The following PARVB variants were observed in gnomAD, a reference collection of about 807,000 sequenced individuals.
The protein encoded by PARVB is parvin beta.
Under a neutral mutation model 47.0 loss-of-function variants are expected in PARVB, and 46 were observed. That is an observed-to-expected ratio of 0.98 (90% CI 0.77 to 1.25). The LOEUF (loss-of-function observed/expected upper bound fraction) is 1.25, where lower values mean the gene tolerates loss of function less well. Among genes scored for constraint, PARVB ranks in the 50% most tolerant of loss-of-function variants. PARVB has a pLI of 0.00. For missense variants in PARVB, 473 were observed against 471.6 expected (o/e 1.00, Z -0.03); for synonymous variants, 196 against 196.3 (o/e 1.00, Z 0.01).
chr22:44,074,704 C>A (rs1199095963), intron 1 of PARVB, among the ~76,000 whole-genome samples: 1 of 152,196 alleles, frequency 6.6e-6, no homozygotes, highest in African/African-American at 2.4e-5. Context: ...ATGTTCACTG[C>A]CCCTCCCTCA....
Position 44,130,952 on chromosome 22 carries a change from A to G in PARVB, c.377-535A>G, listed in dbSNP as rs1355251572. Among the ~76,000 whole-genome samples the G allele has an allele frequency of 2.7e-5, 4 of 148,804 alleles. No individual in the cohort carries two copies. The Admixed American group carries it at 2.7e-4, about 10-fold the overall frequency. The stretch of plus-strand genomic sequence containing the variant: ...CATCTCAAGACGCCCCCATGGCCAC[A>G]TGGTAACCTGCCCCGCTTCGGGGAC... On this transcript the variant is annotated intron_variant, in intron 4 of 12. Coordinates refer to ENST00000338758, the MANE Select transcript of PARVB (RefSeq NM_013327.5).
Position 44,068,933 on chromosome 22 carries a change from G to A in PARVB, c.113-24995G>A. 3 of 576,470 alleles carry A rather than the reference G, an allele frequency of 5.2e-6. No homozygotes were observed. The highest frequency in any genetic ancestry group is 9.3e-6 in the Non-Finnish European group (3 of 323,182). The allele number at this position is 576,470 out of a possible 1,614,324, so 35.7% of individuals were successfully genotyped here. On this transcript the variant is annotated intron_variant, in intron 1 of 12. Transcript: ENST00000338758. This position sits in a 1 kb window ranked among gnomAD's most constrained non-coding sequence, Gnocchi z 4.1. ...GCTGATGGGAGTCAAGACAGAAATA[G>A]TGGTCTGTGGTCAGCAAGGAGCTAT...
intron 1 of PARVB, among the ~76,000 whole-genome samples, chr22:44,078,798 C>T (rs1394946491): frequency 1.3e-5 from 2 of 152,208 alleles, no homozygotes; most frequent in East Asian, 3.8e-4. Context: ...GATCTCAGCT[C>T]ACTGCAGCCT....
At chr22:44,144,593 T>A (rs1271426159) in intron 8 of PARVB, 1 of 151,554 alleles carries the variant, frequency 6.6e-6, no homozygotes, top group Non-Finnish European at 1.5e-5. Context: ...AGGTCAGGAG[T>A]TCAAGACCAG....
intron 4 of PARVB, among the ~76,000 whole-genome samples, chr22:44,122,032 CTTTT>C (rs2053058714): frequency 6.6e-6 from 1 of 152,038 alleles, no homozygotes; most frequent in African/African-American, 2.4e-5. Flanking sequence ...GAATTATTTT[CTTTT>C]TGAGTGGTCA....
At position 44,024,347 on chromosome 22, in the gene PARVB, C is replaced by T. The variant is rs2146876706; in HGVS notation, c.8C>T (p.Ser3Phe). ...CGGCCCCACGCGCGGCCCATGTCCTCCGCGCCGCGCTCGCCCACCCCGCGG... is the reference window on the plus strand; with the variant it reads ...CGGCCCCACGCGCGGCCCATGTCCTTCGCGCCGCGCTCGCCCACCCCGCGG... The part of the protein sequence containing the change: MS[S>F]APRSPTPRPR... The change falls in exon 1 of 13, where the codon TCC (serine) becomes TTC (phenylalanine). Residue 3 changes from serine (S) to phenylalanine (F), a missense_variant. Coordinates refer to ENST00000338758, the MANE Select transcript of PARVB (RefSeq NM_013327.5). 3.6e-6 allele frequency: 4 copies of T among 1,108,266 alleles called. No homozygotes were observed. In the South Asian group the frequency reaches 1.4e-4, roughly 40 times the overall value. The allele number at this position is 1,108,266 out of a possible 1,614,324, so 68.7% of individuals were successfully genotyped here. A position where few individuals can be genotyped will look rare whatever the true frequency, so the allele number is the denominator to read the frequency against.
At chr22:44,062,095 C>T (rs1462152797) in intron 1 of PARVB, among the ~76,000 whole-genome samples, 1 of 152,204 alleles carries the variant, frequency 6.6e-6, no homozygotes, top group Non-Finnish European at 1.5e-5. Context: ...CAAACTGTTC[C>T]TTCCCTCTGC....
intron 2 of PARVB, among the ~76,000 whole-genome samples, chr22:44,005,313 A>G (rs1237930064): frequency 4.3e-5 from 6 of 140,738 alleles, no homozygotes; most frequent in Non-Finnish European, 7.6e-5. Context: ...GGGTGTTGCT[A>G]TATTGCCTAG....
At chr22:44,055,938 A>C (rs1246606457) in intron 1 of PARVB, among the ~76,000 whole-genome samples, 1 of 152,140 alleles carries the variant, frequency 6.6e-6, no homozygotes, top group African/African-American at 2.4e-5. Flanking sequence ...TTCGAATGCT[A>C]ACCTCATCTA....
At chr22:44,081,180 G>C (rs1375941042) in intron 1 of PARVB, among the ~76,000 whole-genome samples, 1 of 152,142 alleles carries the variant, frequency 6.6e-6, no homozygotes, top group Non-Finnish European at 1.5e-5. Context: ...TGGGGCCCAA[G>C]GCAGTGCCAT....
rs149835690 is a variant in PARVB at position 44,139,441 on chromosome 22, TTTTG to T, written c.693-663_693-660del. On this transcript the variant is annotated intron_variant, in intron 7 of 12. Coordinates refer to ENST00000338758, the MANE Select transcript of PARVB (RefSeq NM_013327.5). ...TCTCCAGCCTTGCATTTTTTTATTG[TTTTG>T]TTTGTTTGTTTGTTTGTTTTTTGAG... 1,408 of 152,746 alleles carry T rather than the reference TTTTG, an allele frequency of 9.2e-3. 16 individuals are homozygous for T. The highest frequency in any genetic ancestry group is 0.052 in the East Asian group (268 of 5,194). 9.5% of individuals were successfully genotyped at this position (152,746 alleles called of 1,614,324 possible).
chr22:44,137,589 G>A (rs2053464430), intron 7 of PARVB, among the ~76,000 whole-genome samples: 1 of 152,184 alleles, frequency 6.6e-6, no homozygotes, highest in Non-Finnish European at 1.5e-5. Flanking sequence ...TTTAGGCTGG[G>A]CTCAGCTGGG....
chr22:44,086,753 C>T, intron 1 of PARVB: 1 of 985,456 alleles, frequency 1.0e-6, no homozygotes, highest in Non-Finnish European at 1.2e-6. Context: ...TTAAGAAGAC[C>T]TTCGTGCCTG....
rs965652279 is a variant in PARVB at position 44,080,255 on chromosome 22, T to C, written c.113-13673T>C. 3.5e-4 allele frequency among the ~76,000 whole-genome samples: 53 copies of C among 152,300 alleles called. 1 individual carries two copies. The highest frequency in any genetic ancestry group is 1.3e-3 in the African/African-American group (53 of 41,556). The stretch of plus-strand genomic sequence containing the variant: ...TTTACTTAGGGCTGCTGTGACAAAA[T>C]ACCACAAACCCAGTGGTTTAAACCA... On this transcript the variant is annotated intron_variant, in intron 1 of 12. Transcript: ENST00000338758.
Position 44,096,699 on chromosome 22 carries a change from C to T in PARVB, c.202+2682C>T, listed in dbSNP as rs180954639. On this transcript the variant is annotated intron_variant, in intron 2 of 12. Coordinates refer to ENST00000338758, the MANE Select transcript of PARVB (RefSeq NM_013327.5). ...ATTTTGCCCCCAGAGCTAGGCTCCT[C>T]CCCCTGCTCTAGACCCTCTCAGTGA... is the stretch of plus-strand genomic sequence containing the variant. 3.7e-3 allele frequency among the ~76,000 whole-genome samples: 562 copies of T among 152,296 alleles called. 1 individual carries two copies. Among genetic ancestry groups the T allele is most frequent in the Non-Finnish European group, 4.5e-3 (307 of 68,030 alleles).
intron 1 of PARVB, among the ~76,000 whole-genome samples, chr22:44,044,942 T>C (rs2051088946): frequency 6.6e-6 from 1 of 152,248 alleles, no homozygotes; most frequent in Non-Finnish European, 1.5e-5. Flanking sequence ...TTTGCTACTC[T>C]ACTGTTCTTT....
chr22:44,072,370 T>TAGGAC (rs1278394707), intron 1 of PARVB, among the ~76,000 whole-genome samples: 2 of 152,048 alleles, frequency 1.3e-5, no homozygotes, highest in Admixed American at 1.3e-4. Flanking sequence ...GGGCATCAGA[T>TAGGAC]AGGACAAGGG....
At chr22:44,121,844 T>C (rs893020148) in intron 4 of PARVB, among the ~76,000 whole-genome samples, 3 of 152,234 alleles carry the variant, frequency 2.0e-5, no homozygotes, top group Non-Finnish European at 2.9e-5. Context: ...AGAACCTTGG[T>C]TCCAGAAATA....
At chr22:44,064,650 G>A (rs994797385) in intron 1 of PARVB, among the ~76,000 whole-genome samples, 1 of 152,160 alleles carries the variant, frequency 6.6e-6, no homozygotes, top group Non-Finnish European at 1.5e-5. Flanking sequence ...ACCACCCTGG[G>A]CAACAAAGTG....
Sources: allele counts gnomAD v4.1 joint callset (sites outside exome capture counted in the v4.1 genomes callset), GRCh38; gene constraint gnomAD v4.1.1; non-coding constraint Gnocchi (gnomAD v3.1); transcripts MANE v1.5; gene names NCBI Gene and HGNC (gene_info 2026-07-23, HGNC 2026-07-21).